The following NPEPPS variants were observed in gnomAD, a reference collection of about 807,000 sequenced individuals.
The protein encoded by NPEPPS is puromycin-sensitive aminopeptidase.
NPEPPS carries 14 observed loss-of-function variants against 115.5 expected under a neutral mutation model. The ratio of observed to expected loss-of-function variants is 0.12; its 90% confidence interval spans 0.08 to 0.19. The LOEUF (loss-of-function observed/expected upper bound fraction) is 0.19, where lower values mean the gene tolerates loss of function less well. Among genes scored for constraint, NPEPPS ranks in the 10% least tolerant of loss-of-function variants. NPEPPS has a pLI of 1.00. For synonymous variants in NPEPPS, 285 were observed against 390.6 expected (o/e 0.73, Z 3.19); for missense variants, 523 against 1,110.8 (o/e 0.47, Z 7.52).
chr17:47,574,580 T>C (rs1468346113), intron 3 of NPEPPS, among the ~76,000 whole-genome samples: 1 of 152,132 alleles, frequency 6.6e-6, no homozygotes. Context: ...TATTTAATCC[T>C]TTCAACAACC....
chr17:47,528,718 G>A (rs139067485), upstream of NPEPPS, among the ~76,000 whole-genome samples: 654 of 151,854 alleles, frequency 4.3e-3, 2 homozygotes, highest in African/African-American at 0.015. Context: ...TGCAACCTCC[G>A]CCTTCTGGGT....
chr17:47,608,194 C>G (rs903468320), intron 17 of NPEPPS, among the ~76,000 whole-genome samples: 4 of 152,166 alleles, frequency 2.6e-5, no homozygotes, highest in African/African-American at 9.7e-5. Context: ...GTAGCTCACA[C>G]CCGTAATCCC....
intron 15 of NPEPPS, among the ~76,000 whole-genome samples, chr17:47,602,671 T>C (rs1913284038): frequency 6.6e-6 from 1 of 151,540 alleles, no homozygotes; most frequent in Non-Finnish European, 1.5e-5. Flanking sequence ...TTTTTTCTGT[T>C]TATCAACTTC....
chr17:47,609,636 C>G (rs1156384752), intron 17 of NPEPPS, among the ~76,000 whole-genome samples: 3 of 152,146 alleles, frequency 2.0e-5, no homozygotes, highest in South Asian at 2.1e-4. Flanking sequence ...TGTTACAGTT[C>G]CATGACTTTC....
intron 1 of NPEPPS, among the ~76,000 whole-genome samples, chr17:47,533,204 G>C (rs565319926): frequency 6.6e-6 from 1 of 152,328 alleles, no homozygotes; most frequent in African/African-American, 2.4e-5. Context: ...GAGCACTGGT[G>C]TGAAAGCAAG....
At chr17:47,542,035 A>G (rs1220976871) in intron 1 of NPEPPS, among the ~76,000 whole-genome samples, 1 of 152,186 alleles carries the variant, frequency 6.6e-6, no homozygotes, top group African/African-American at 2.4e-5. Flanking sequence ...TTGGTTATTA[A>G]TAAATGATTA....
intron 22 of NPEPPS, among the ~76,000 whole-genome samples, chr17:47,620,892 T>C (rs1914525012): frequency 6.6e-6 from 1 of 152,138 alleles, no homozygotes; most frequent in South Asian, 2.1e-4. Flanking sequence ...TTAGAAATTG[T>C]TTGGTTTACT....
At chr17:47,547,721 C>A (rs1909319351) in intron 2 of NPEPPS, among the ~76,000 whole-genome samples, 1 of 152,070 alleles carries the variant, frequency 6.6e-6, no homozygotes, top group African/African-American at 2.4e-5. Context: ...TACTCTGAGA[C>A]TTCTTTAATA....
intron 15 of NPEPPS, 147 bp from the exon 16 acceptor site, chr17:47,603,767 TC>T (rs764033095): frequency 3.2e-6 from 2 of 626,732 alleles, no homozygotes; most frequent in Non-Finnish European, 2.6e-6. Context: ...TGATGTGTTG[TC>T]TTGTTTTAAT....
chr17:47,564,359 C>A (rs531626846), intron 2 of NPEPPS, among the ~76,000 whole-genome samples: 2 of 151,858 alleles, frequency 1.3e-5, no homozygotes, highest in Non-Finnish European at 2.9e-5. Flanking sequence ...CATAGTGAGA[C>A]CCTTATCTCA....
In NPEPPS at chr17:47,610,845, C is replaced by CTTT. The variant is rs59893483; in HGVS notation, c.2096-1591_2096-1589dup. ...GAAATTGCTGAGTCATATGATGACT[C>CTTT]TTTTTTTTTTTTTTTTTTTTTTTTT... On this transcript the variant is annotated intron_variant, in intron 17 of 22. Transcript: ENST00000322157. Among the ~76,000 whole-genome samples the CTTT allele has an allele frequency of 3.6e-3, 359 of 100,062 alleles. 64 individuals carry two copies. The highest frequency in any genetic ancestry group is 0.015 in the East Asian group (51 of 3,334). 65.6% of individuals were successfully genotyped at this position (100,062 alleles called of 152,430 possible). A position where few individuals can be genotyped will look rare whatever the true frequency, so the allele number is the denominator to read the frequency against.
chr17:47,605,436 G>C lies in NPEPPS; in HGVS notation c.1979G>C (p.Gly660Ala). The change falls in exon 17 of 23, where the codon GGG becomes GCG. Residue 660 changes from glycine to alanine, a missense_variant. Gly to Ala is a moderately conservative substitution (Grantham distance 60, BLOSUM62 0). This residue lies in a region of NPEPPS where 372 missense variants were observed against 542.6 expected (regional missense o/e 0.69). Transcript: ENST00000322157. ...TGGAGCGACCTGAGCTGTAACCTGG[G>C]GATTCTCTCAACTCTCTTGTCCCAC... ...TVWSDLSCNLGILSTLLSHTD... is the reference protein window; with the variant it reads ...TVWSDLSCNLAILSTLLSHTD... 1 of 1,610,380 alleles carries C rather than the reference G, an allele frequency of 6.2e-7. No homozygotes were observed. Among genetic ancestry groups the C allele is most frequent in the Non-Finnish European group, 8.5e-7 (1 of 1,178,256 alleles).
At chr17:47,552,255 G>A (rs562119372) in intron 2 of NPEPPS, among the ~76,000 whole-genome samples, 1 of 152,132 alleles carries the variant, frequency 6.6e-6, no homozygotes, top group African/African-American at 2.4e-5. Flanking sequence ...GAGCCACTGT[G>A]CTTGGCCCTT....
At position 47,549,605 on chromosome 17, in the gene NPEPPS, C is replaced by T. The variant is rs565696789; in HGVS notation, c.340+3612C>T. The stretch of plus-strand genomic sequence containing the variant: ...GAACAGCCTGGCCAACATGGTGAAA[C>T]ACCATCTCTACTAAAAACACAAAAA... On this transcript the variant is annotated intron_variant, in intron 2 of 22. Transcript: ENST00000322157. Among the ~76,000 whole-genome samples, 230 of 151,480 alleles carry T rather than the reference C, an allele frequency of 1.5e-3. 1 individual carries two copies. Among genetic ancestry groups the T allele is most frequent in the African/African-American group, 5.3e-3 (221 of 41,320 alleles).
chr17:47,523,535 C>T (rs1436289887), intron 1 of NPEPPS, among the ~76,000 whole-genome samples: 4 of 151,940 alleles, frequency 2.6e-5, no homozygotes, highest in African/African-American at 9.7e-5. Flanking sequence ...ATTATCCTGC[C>T]TCAGCCTCCC....
At chr17:47,548,531 T>C (rs1384580992) in intron 2 of NPEPPS, among the ~76,000 whole-genome samples, 1 of 152,014 alleles carries the variant, frequency 6.6e-6, no homozygotes, top group African/African-American at 2.4e-5. Flanking sequence ...CAGCTCAAGT[T>C]TGTTTTTTAT....
At chr17:47,621,685 AC>A in intron 22 of NPEPPS, 82 bp from the exon 23 acceptor site, 1 of 1,339,394 alleles carries the variant, frequency 7.5e-7, no homozygotes, top group Non-Finnish European at 1.0e-6. Context: ...CTTCATATAG[AC>A]CAGTGGGTAT....
intron 3 of NPEPPS, among the ~76,000 whole-genome samples, chr17:47,574,671 GC>G (rs1161329300): frequency 1.3e-5 from 2 of 152,106 alleles, no homozygotes; most frequent in African/African-American, 4.8e-5. Context: ...GCTCACTGCA[GC>G]CTCAAACTCC....
At chr17:47,551,096 T>C (rs1159354804) in intron 2 of NPEPPS, among the ~76,000 whole-genome samples, 4 of 152,230 alleles carry the variant, frequency 2.6e-5, no homozygotes, top group Admixed American at 6.5e-5. Flanking sequence ...AACTTTACTC[T>C]GAAGATATAC....
Sources: gnomAD v4.1 joint callset for allele counts (sites outside exome capture counted in the v4.1 genomes callset) on GRCh38, gnomAD v4.1.1 for gene constraint, gnomAD v4.1.1 regional missense constraint, MANE v1.5 for transcripts, NCBI Gene and HGNC (gene_info 2026-07-23, HGNC 2026-07-21) for gene names.